The following ATXN7L1 variants were observed in gnomAD, a reference collection of about 807,000 sequenced individuals.
The protein encoded by ATXN7L1 is ataxin 7 like 1.
In ATXN7L1, 15 loss-of-function variants were observed where a neutral mutation model predicts 70.8. The observed-to-expected ratio is 0.21, with a 90% CI of 0.14 to 0.33. The LOEUF is 0.33. Among genes scored for constraint, ATXN7L1 ranks in the 10% least tolerant of loss-of-function variants. ATXN7L1 has a pLI of 1.00. For missense variants in ATXN7L1, 975 were observed against 1,097.1 expected (o/e 0.89, Z 1.57); for synonymous variants, 440 against 445.1 (o/e 0.99, Z 0.14).
intron 3 of ATXN7L1, among the ~76,000 whole-genome samples, chr7:105,746,378 G>C (rs1447760136): frequency 2.0e-5 from 3 of 152,190 alleles, no homozygotes; most frequent in Non-Finnish European, 4.4e-5. Context: ...TCCCTGAGCA[G>C]TCAATCTCTT....
At chr7:105,778,521 A>AG in intron 3 of ATXN7L1, among the ~76,000 whole-genome samples, 1 of 135,264 alleles carries the variant, frequency 7.4e-6, no homozygotes, top group African/African-American at 3.1e-5. Flanking sequence ...AAAAAAAAAA[A>AG]AAAAAAAAAA....
Position 105,740,012 on chromosome 7 carries a change from T to C in ATXN7L1, c.355+48592A>G, listed in dbSNP as rs1417188085. Among the ~76,000 whole-genome samples, 4 of 152,268 alleles carry C rather than the reference T, an allele frequency of 2.6e-5. No individual in the cohort carries two copies. The East Asian group carries it at 7.7e-4, about 29-fold the overall frequency. On this transcript the variant is annotated intron_variant, in intron 3 of 11. Coordinates refer to ENST00000419735, the MANE Select transcript of ATXN7L1 (RefSeq NM_020725.2). ...AAATATAAGTACTTTTCATGAAGACTATATACTGTATATATAGCTCCACAC... is the reference window on the plus strand; with the variant it reads ...AAATATAAGTACTTTTCATGAAGACCATATACTGTATATATAGCTCCACAC...
intron 2 of ATXN7L1, among the ~76,000 whole-genome samples, chr7:105,809,715 C>T (rs992833146): frequency 7.9e-5 from 12 of 151,748 alleles, no homozygotes; most frequent in Admixed American, 2.0e-4. Context: ...GAAACTGAGG[C>T]AAAGGGAGGT....
At chr7:105,680,518 A>G (rs763427285) in intron 3 of ATXN7L1, among the ~76,000 whole-genome samples, 1 of 152,182 alleles carries the variant, frequency 6.6e-6, no homozygotes, top group Admixed American at 6.5e-5. Context: ...CCACAGTTCC[A>G]TTTGTTTGGA....
intron 2 of ATXN7L1, among the ~76,000 whole-genome samples, chr7:105,859,604 T>C (rs1222071255): frequency 1.3e-5 from 2 of 152,102 alleles, no homozygotes; most frequent in African/African-American, 4.8e-5. Context: ...CAACATGCTG[T>C]ACAGGTTTGT....
chr7:105,845,330 A>G (rs534003000), intron 2 of ATXN7L1, among the ~76,000 whole-genome samples: 8 of 152,188 alleles, frequency 5.3e-5, no homozygotes, highest in Admixed American at 2.6e-4. Flanking sequence ...ATACTTACCA[A>G]TAAGTTTAGC....
intron 3 of ATXN7L1, among the ~76,000 whole-genome samples, chr7:105,713,181 G>C (rs1379363411): frequency 6.6e-6 from 1 of 152,162 alleles, no homozygotes; most frequent in Non-Finnish European, 1.5e-5. Flanking sequence ...AATAGCAAGG[G>C]GGAAATTCAC....
chr7:105,661,992 G>A (rs1801677347), intron 4 of ATXN7L1, among the ~76,000 whole-genome samples: 1 of 151,782 alleles, frequency 6.6e-6, no homozygotes, highest in African/African-American at 2.4e-5. Flanking sequence ...ACCTGGGCTA[G>A]TTTCTTTAGA....
chr7:105,864,069 G>T (rs1817022842), intron 2 of ATXN7L1, among the ~76,000 whole-genome samples: 1 of 152,096 alleles, frequency 6.6e-6, no homozygotes, highest in African/African-American at 2.4e-5. Context: ...GAATTTTCAA[G>T]GTAGGCAGGG....
chr7:105,604,981 A>G lies in ATXN7L1; in HGVS notation c.*2871T>C, dbSNP rs572521427. ...TATAAACTATTCTCTACAAAGGTTGATCAGCATTATTTACAATTGGTACAT... is the reference window on the plus strand; with the variant it reads ...TATAAACTATTCTCTACAAAGGTTGGTCAGCATTATTTACAATTGGTACAT... On this transcript the variant is annotated 3_prime_UTR_variant, in exon 12 of 12. Coordinates refer to ENST00000419735, the MANE Select transcript of ATXN7L1 (RefSeq NM_020725.2). 6.6e-6 allele frequency: 1 copy of G among 150,516 alleles called. No homozygotes were observed. The highest frequency in any genetic ancestry group is 1.5e-5 in the Non-Finnish European group (1 of 67,702). 9.3% of individuals were successfully genotyped at this position (150,516 alleles called of 1,614,324 possible).
At chr7:105,838,441 G>A (rs1563133898) in intron 2 of ATXN7L1, among the ~76,000 whole-genome samples, 1 of 152,194 alleles carries the variant, frequency 6.6e-6, no homozygotes, top group Non-Finnish European at 1.5e-5. Flanking sequence ...ACACTCGGAG[G>A]CACTTGACAT....
chr7:105,717,328 A>G (rs1335773785), intron 3 of ATXN7L1, among the ~76,000 whole-genome samples: 1 of 152,096 alleles, frequency 6.6e-6, no homozygotes, highest in South Asian at 2.1e-4. Flanking sequence ...GGGTTTTGCC[A>G]TGTTAGTCAG....
chr7:105,762,530 C>G (rs1800683968), intron 3 of ATXN7L1, among the ~76,000 whole-genome samples: 1 of 152,104 alleles, frequency 6.6e-6, no homozygotes, highest in African/African-American at 2.4e-5. Flanking sequence ...GGCTCCAAGC[C>G]CATGGAGAGT....
chr7:105,718,070 G>A (rs1794770448), intron 3 of ATXN7L1, among the ~76,000 whole-genome samples: 2 of 152,218 alleles, frequency 1.3e-5, no homozygotes, highest in South Asian at 4.1e-4. Flanking sequence ...GGAAGGGGCA[G>A]TGAAGAGTAA....
chr7:105,731,950 G>A (rs987293865), intron 3 of ATXN7L1, among the ~76,000 whole-genome samples: 7 of 151,598 alleles, frequency 4.6e-5, no homozygotes, highest in Admixed American at 1.3e-4. Context: ...AAAATTAGCC[G>A]GGCATGGTAG....
chr7:105,678,796 A>G (rs1203190991), intron 3 of ATXN7L1, among the ~76,000 whole-genome samples: 2 of 152,148 alleles, frequency 1.3e-5, no homozygotes, highest in Admixed American at 1.3e-4. Context: ...AGGGCTGTCC[A>G]AAATAGACTG....
intron 2 of ATXN7L1, among the ~76,000 whole-genome samples, chr7:105,840,599 T>G (rs759345057): frequency 5.3e-5 from 8 of 152,096 alleles, no homozygotes; most frequent in Non-Finnish European, 8.8e-5. Context: ...CTTCTCCAGA[T>G]CACACATACT....
At chr7:105,785,499 A>G (rs1037329054) in intron 3 of ATXN7L1, among the ~76,000 whole-genome samples, 3 of 152,128 alleles carry the variant, frequency 2.0e-5, no homozygotes, top group African/African-American at 7.2e-5. Context: ...AACAAATAAC[A>G]GATATGGAAA....
At chr7:105,616,288 A>G (rs1021505811) in intron 9 of ATXN7L1, among the ~76,000 whole-genome samples, 3 of 152,158 alleles carry the variant, frequency 2.0e-5, no homozygotes, top group Admixed American at 2.0e-4. Flanking sequence ...TAGCATCAGG[A>G]CCAGGTGCCA....
Sources: gnomAD v4.1 joint callset for allele counts (sites outside exome capture counted in the v4.1 genomes callset) on GRCh38, gnomAD v4.1.1 for gene constraint, MANE v1.5 for transcripts, NCBI Gene and HGNC (gene_info 2026-07-23, HGNC 2026-07-21) for gene names.